PSMB7: variants seen among roughly 807,000 people sequenced by gnomAD.
PSMB7 encodes the protein proteasome 20S subunit beta 7.
In PSMB7, 5 loss-of-function variants were observed where a neutral mutation model predicts 28.1. The observed-to-expected ratio is 0.18, with a 90% CI of 0.09 to 0.37. The LOEUF is 0.37. Among genes scored for constraint, PSMB7 ranks in the 10% least tolerant of loss-of-function variants. The pLI, the probability that PSMB7 is intolerant of heterozygous loss-of-function variation, is 1.00. For missense variants in PSMB7, 275 were observed against 346.2 expected (o/e 0.79, Z 1.63); for synonymous variants, 122 against 123.7 (o/e 0.99, Z 0.09).
rs559719885 is a variant in PSMB7 at position 124,353,658 on chromosome 9, T to C, written c.774A>G (p.Lys258=). 1 of 1,614,118 alleles carries C rather than the reference T, an allele frequency of 6.2e-7. No individual in the cohort carries two copies. The highest frequency in any genetic ancestry group is 2.2e-5 in the East Asian group (1 of 44,868). The change falls in exon 8 of 8, where the codon AAA becomes AAG. Residue 258 remains lysine (K), a synonymous_variant. Transcript: ENST00000259457. ...EKGTTAVLTE[K]ITPLEIEVLE... is the part of the protein sequence containing the mutation. Reference sequence around the variant, plus strand: ...GCACCTCAATCTCCAGAGGAGTGATTTTCTCAGTGAGGACTGCAGTAGTCC... The same window carrying C: ...GCACCTCAATCTCCAGAGGAGTGATCTTCTCAGTGAGGACTGCAGTAGTCC...
intron 6 of PSMB7, among the ~76,000 whole-genome samples, chr9:124,374,457 G>C (rs756793305): frequency 6.6e-6 from 1 of 152,170 alleles, no homozygotes; most frequent in Non-Finnish European, 1.5e-5. Flanking sequence ...TAGAACAGTA[G>C]ACCTAAAAAA....
chr9:124,407,665 ATAATT>A (rs922209680), intron 4 of PSMB7, among the ~76,000 whole-genome samples: 19 of 152,256 alleles, frequency 1.2e-4, no homozygotes, highest in Non-Finnish European at 2.5e-4. Context: ...TAAAATTTTA[ATAATT>A]TATTGATCCA....
At position 124,415,418 on chromosome 9, in the gene PSMB7, G is replaced by A. The variant is rs1419945785; in HGVS notation, c.8C>T (p.Ala3Val). The A allele has an allele frequency of 3.7e-6, 6 of 1,614,026 alleles. No individual in the cohort carries two copies. The highest frequency in any genetic ancestry group is 1.3e-5 in the African/African-American group (1 of 74,940). MA[A>V]VSVYAPPVGG... ...AACTGGTGGAGCATACACCGACACA[G>A]CCGCCATCTTCCCAAGAAAGCAGTT... Residue 3 changes from alanine (A) to valine (V), a missense_variant, in exon 1 of 8, where the codon GCT becomes GTT. By Grantham distance (64) the Ala-to-Val change is moderately conservative. Coordinates refer to ENST00000259457, the MANE Select transcript of PSMB7 (RefSeq NM_002799.4).
chr9:124,372,957 T>C (rs1196520100), intron 6 of PSMB7, among the ~76,000 whole-genome samples: 1 of 152,206 alleles, frequency 6.6e-6, no homozygotes, highest in Non-Finnish European at 1.5e-5. Flanking sequence ...ATCTGCTCTG[T>C]AAGATGCCAC....
chr9:124,357,287 C>T (rs1830418907), intron 6 of PSMB7, among the ~76,000 whole-genome samples: 1 of 152,180 alleles, frequency 6.6e-6, no homozygotes, highest in African/African-American at 2.4e-5. Context: ...TAGCACAAAA[C>T]AGCCACACAC....
intron 6 of PSMB7, among the ~76,000 whole-genome samples, chr9:124,380,797 G>A (rs559030289): frequency 1.3e-5 from 2 of 152,102 alleles, no homozygotes; most frequent in Non-Finnish European, 2.9e-5. Context: ...ACCTTAATTT[G>A]AGTTAATTTA....
intron 5 of PSMB7, among the ~76,000 whole-genome samples, chr9:124,402,723 C>G (rs569648526): frequency 6.6e-6 from 1 of 152,232 alleles, no homozygotes; most frequent in South Asian, 2.1e-4. Flanking sequence ...AAAATAAAAA[C>G]TACTTAATAG....
intron 5 of PSMB7, among the ~76,000 whole-genome samples, chr9:124,401,646 A>T (rs968131684): frequency 6.6e-6 from 1 of 152,160 alleles, no homozygotes. Context: ...CATTAGACTG[A>T]GTATCTGAGG....
chr9:124,382,829 G>T (rs1343949117), intron 6 of PSMB7, among the ~76,000 whole-genome samples: 1 of 152,114 alleles, frequency 6.6e-6, no homozygotes, highest in Non-Finnish European at 1.5e-5. Flanking sequence ...TCTAAATAAG[G>T]TAAAATTACT....
At chr9:124,366,920 TTGTG>T (rs1433530746) in intron 6 of PSMB7, among the ~76,000 whole-genome samples, 5 of 152,254 alleles carry the variant, frequency 3.3e-5, no homozygotes, top group African/African-American at 1.2e-4. Context: ...CCATCTAGGT[TTGTG>T]TAAGTACATC....
At chr9:124,374,844 A>T (rs1290416331) in intron 6 of PSMB7, among the ~76,000 whole-genome samples, 1 of 152,104 alleles carries the variant, frequency 6.6e-6, no homozygotes, top group Non-Finnish European at 1.5e-5. Context: ...AAATAAATAA[A>T]TAAAAGCTAG....
intron 4 of PSMB7, among the ~76,000 whole-genome samples, chr9:124,409,430 C>T (rs1189162490): frequency 2.0e-5 from 3 of 152,284 alleles, no homozygotes; most frequent in South Asian, 4.1e-4. Context: ...AAGGAGGTTC[C>T]ATGCTCACAG....
intron 5 of PSMB7, among the ~76,000 whole-genome samples, chr9:124,394,896 C>T (rs960662043): frequency 6.6e-6 from 1 of 152,046 alleles, no homozygotes; most frequent in African/African-American, 2.4e-5. Context: ...GGCACTCCAC[C>T]GCAACATAAT....
chr9:124,384,511 G>A (rs911606791), intron 6 of PSMB7, 87 bp downstream of exon 6: 13 of 1,264,294 alleles, frequency 1.0e-5, no homozygotes, highest in Non-Finnish European at 1.3e-5. Flanking sequence ...GTACAAGCTC[G>A]GGAGGAATCA....
intron 6 of PSMB7, among the ~76,000 whole-genome samples, chr9:124,378,598 T>C (rs1432739719): frequency 3.3e-5 from 5 of 152,224 alleles, no homozygotes; most frequent in South Asian, 4.1e-4. Context: ...GGGGGCAGTA[T>C]TGATCTTGAC....
At chr9:124,361,780 T>C (rs1453109751) in intron 6 of PSMB7, among the ~76,000 whole-genome samples, 1 of 152,196 alleles carries the variant, frequency 6.6e-6, no homozygotes, top group African/African-American at 2.4e-5. Flanking sequence ...ATCTAGAGAG[T>C]TGCATTTTGT....
intron 5 of PSMB7, among the ~76,000 whole-genome samples, chr9:124,395,772 C>T (rs1280391898): frequency 6.6e-6 from 1 of 152,204 alleles, no homozygotes; most frequent in African/African-American, 2.4e-5. Context: ...GCTCTCTGGT[C>T]AAGCAGAGCT....
At chr9:124,385,970 C>T (rs1830714604) in intron 5 of PSMB7, among the ~76,000 whole-genome samples, 1 of 152,092 alleles carries the variant, frequency 6.6e-6, no homozygotes, top group African/African-American at 2.4e-5. Flanking sequence ...GACAGATACT[C>T]CTGTTAGGGA....
rs761936747 is a variant in PSMB7, at chr9:124,384,696, T to C, written c.512-40A>G. 4.3e-5 allele frequency: 68 copies of C among 1,590,824 alleles called. 1 individual carries two copies. Among genetic ancestry groups the C allele is most frequent in the Non-Finnish European group, 5.7e-5 (66 of 1,163,416 alleles). On this transcript the variant is annotated intron_variant, in intron 5 of 7. Transcript: ENST00000259457. ...TGCACTTTTAGTGTATTTTATGATA[T>C]CCCAGCTTATCCATCTCAAGTTTAC...
Sources: gnomAD v4.1 joint callset for allele counts (sites outside exome capture counted in the v4.1 genomes callset) on GRCh38, gnomAD v4.1.1 for gene constraint, MANE v1.5 for transcripts, NCBI Gene and HGNC (gene_info 2026-07-23, HGNC 2026-07-21) for gene names.